SPIDR: variants seen among roughly 807,000 people sequenced by gnomAD.
SPIDR encodes scaffold protein involved in DNA repair.
Under a neutral mutation model 104.6 loss-of-function variants are expected in SPIDR, and 93 were observed. That is an observed-to-expected ratio of 0.89 (90% confidence interval 0.75 to 1.06). The LOEUF (loss-of-function observed/expected upper bound fraction) is 1.06. SPIDR is among the 50% of genes least tolerant of loss of function. The pLI is 0.00. For synonymous variants in SPIDR, 431 were observed against 416.9 expected, an observed-to-expected ratio of 1.03 and a Z score of -0.41; for missense variants, 1,154 against 1,111.2, an observed-to-expected ratio of 1.04 and a Z score of -0.55.
At chr8:47,345,733 T>C (rs1295204554) in intron 5 of SPIDR, among the ~76,000 whole-genome samples, 3 of 151,760 alleles carry the variant, frequency 2.0e-5, no homozygotes, top group Non-Finnish European at 2.9e-5. Context: ...CAATTGTGAA[T>C]GGGAGTTCAC....
chr8:47,280,261 G>A (rs1412953994), intron 2 of SPIDR, among the ~76,000 whole-genome samples: 1 of 139,484 alleles, frequency 7.2e-6, no homozygotes, highest in Non-Finnish European at 1.6e-5. Context: ...TATTTTTTTT[G>A]GAGACAGAGT....
intron 8 of SPIDR, among the ~76,000 whole-genome samples, chr8:47,562,345 A>G (rs1202932340): frequency 1.3e-5 from 2 of 152,170 alleles, no homozygotes; most frequent in Non-Finnish European, 2.9e-5. Context: ...GTGAATTCTC[A>G]GTTTTGAGGC....
At chr8:47,303,094 C>T (rs1554578915) in intron 5 of SPIDR, among the ~76,000 whole-genome samples, 1 of 152,224 alleles carries the variant, frequency 6.6e-6, no homozygotes, top group Admixed American at 6.5e-5. Context: ...GCGCTCCACC[C>T]AGTTCCAGCT....
At chr8:47,367,663 C>T (rs891040543) in intron 5 of SPIDR, among the ~76,000 whole-genome samples, 3 of 152,110 alleles carry the variant, frequency 2.0e-5, no homozygotes, top group Admixed American at 1.3e-4. Flanking sequence ...CCACTTAGCC[C>T]ACATTGCCAC....
At chr8:47,410,194 T>C (rs888942254) in intron 7 of SPIDR, among the ~76,000 whole-genome samples, 3 of 151,938 alleles carry the variant, frequency 2.0e-5, no homozygotes, top group Non-Finnish European at 4.4e-5. Flanking sequence ...TTACCTTTTT[T>C]TTTTTGAGAC....
At chr8:47,507,453 G>T (rs369171705) in intron 8 of SPIDR, among the ~76,000 whole-genome samples, 1 of 152,212 alleles carries the variant, frequency 6.6e-6, no homozygotes, top group Non-Finnish European at 1.5e-5. Flanking sequence ...TGTAACAGCC[G>T]ATTTCAGCTG....
chr8:47,580,561 CA>C (rs1261287555), intron 8 of SPIDR, among the ~76,000 whole-genome samples: 7 of 152,192 alleles, frequency 4.6e-5, no homozygotes, highest in African/African-American at 1.4e-4. Context: ...GTTTTTAGGT[CA>C]AAAACCTATA....
chr8:47,644,243 C>G (rs766604718), intron 10 of SPIDR, among the ~76,000 whole-genome samples: 16 of 152,210 alleles, frequency 1.1e-4, no homozygotes, highest in Non-Finnish European at 2.2e-4. Context: ...CCCCAGCCAT[C>G]CCTTTACTTG....
chr8:47,464,114 AC>A (rs2074380654), intron 8 of SPIDR, among the ~76,000 whole-genome samples: 2 of 4,928 alleles, frequency 4.1e-4, no homozygotes, highest in African/African-American at 1.5e-3. Context: ...TAAAGATTAT[AC>A]ACACACACAC....
chr8:47,396,515 G>A lies in SPIDR; in HGVS notation c.665G>A (p.Arg222Lys). The change falls in exon 6 of 20, where the codon AGA becomes AAA. Residue 222 changes from arginine to lysine, a missense_variant. Transcript: ENST00000297423. ...FASDARQIME[R>K]LIDPRTKSTE... Reference sequence around the variant, plus strand: ...TCGGATGCAAGACAGATTATGGAGAGACTGATAGATCCAAGGACAAAATCA... The same window carrying A: ...TCGGATGCAAGACAGATTATGGAGAAACTGATAGATCCAAGGACAAAATCA... 1 of 1,614,110 alleles carries A rather than the reference G, an allele frequency of 6.2e-7. No individual in the cohort carries two copies. Among genetic ancestry groups the A allele is most frequent in the Non-Finnish European group, 8.5e-7 (1 of 1,180,018 alleles).
intron 10 of SPIDR, among the ~76,000 whole-genome samples, chr8:47,633,971 A>G (rs182206579): frequency 8.6e-4 from 131 of 152,118 alleles, no homozygotes; most frequent in Non-Finnish European, 1.4e-3. Flanking sequence ...GTGCATGCCA[A>G]TAGTCCCAGC....
intron 8 of SPIDR, among the ~76,000 whole-genome samples, chr8:47,576,397 C>A (rs531909505): frequency 6.6e-6 from 1 of 152,224 alleles, no homozygotes; most frequent in Admixed American, 6.5e-5. Context: ...GTGATCCGTC[C>A]GCCTTGGCCT....
At chr8:47,685,168 C>G (rs990685694) in intron 11 of SPIDR, among the ~76,000 whole-genome samples, 5 of 152,066 alleles carry the variant, frequency 3.3e-5, no homozygotes, top group Admixed American at 3.3e-4. Context: ...GCCAATCATG[C>G]CATTGCACTC....
intron 10 of SPIDR, among the ~76,000 whole-genome samples, chr8:47,625,011 C>G (rs905231504): frequency 6.6e-6 from 1 of 152,156 alleles, no homozygotes; most frequent in Non-Finnish European, 1.5e-5. Flanking sequence ...AAATCGAATC[C>G]AGCAGCACCT....
chr8:47,426,087 C>CAA (rs1259632086), intron 7 of SPIDR, among the ~76,000 whole-genome samples: 11 of 113,886 alleles, frequency 9.7e-5, no homozygotes, highest in Middle Eastern at 4.6e-3. Context: ...TACTACGATA[C>CAA]AAAAAAAAAA....
At chr8:47,726,954 T>C (rs2084335534) in intron 16 of SPIDR, among the ~76,000 whole-genome samples, 1 of 152,148 alleles carries the variant, frequency 6.6e-6, no homozygotes, top group Non-Finnish European at 1.5e-5. Flanking sequence ...TCTGGAAAAA[T>C]ATCCCAACAA....
chr8:47,393,714 TTTCC>T (rs2060897233), intron 5 of SPIDR, among the ~76,000 whole-genome samples: 3 of 145,192 alleles, frequency 2.1e-5, no homozygotes, highest in Non-Finnish European at 4.6e-5. Flanking sequence ...TTTCCTTTCC[TTTCC>T]TTTCCTTTCC....
At chr8:47,425,216 A>G (rs1441393152) in intron 7 of SPIDR, among the ~76,000 whole-genome samples, 4 of 152,096 alleles carry the variant, frequency 2.6e-5, no homozygotes, top group Non-Finnish European at 4.4e-5. Flanking sequence ...GAGATGGGAT[A>G]GTGGGAAGTG....
At chr8:47,280,974 G>T (rs1325265092) in intron 2 of SPIDR, among the ~76,000 whole-genome samples, 3 of 152,158 alleles carry the variant, frequency 2.0e-5, no homozygotes, top group Non-Finnish European at 2.9e-5. Flanking sequence ...GTTTACTCTG[G>T]AGGCGTACTC....
Sources: allele counts gnomAD v4.1 joint callset (sites outside exome capture counted in the v4.1 genomes callset), GRCh38; gene constraint gnomAD v4.1.1; transcripts MANE v1.5; gene names NCBI Gene and HGNC (gene_info 2026-07-23, HGNC 2026-07-21).